CDC42BPB: variants seen among roughly 807,000 people sequenced by gnomAD.
CDC42BPB encodes CDC42 binding protein kinase beta, also known as serine/threonine-protein kinase MRCK beta.
A neutral mutation model predicts 214.9 loss-of-function variants in CDC42BPB; 37 were observed. The observed-to-expected ratio is 0.17, with a 90% CI of 0.13 to 0.23. The LOEUF is 0.23. Among genes scored for constraint, CDC42BPB ranks in the 10% least tolerant of loss-of-function variants. The probability of loss-of-function intolerance (pLI) is 1.00; values close to 1 mark genes in which losing one functional copy is unlikely to be tolerated. For missense variants in CDC42BPB, 1,694 were observed against 2,227.0 expected, an observed-to-expected ratio of 0.76 and a Z score of 4.82; for synonymous variants, 931 against 884.0, an observed-to-expected ratio of 1.05 and a Z score of -0.94.
intron 3 of CDC42BPB, among the ~76,000 whole-genome samples, 164 bp downstream of exon 3, chr14:103,008,308 C>T (rs937995189): frequency 6.6e-6 from 1 of 152,204 alleles, no homozygotes; most frequent in Non-Finnish European, 1.5e-5. Flanking sequence ...CAGCAGGCGC[C>T]AGGGAGGAGA....
At chr14:102,942,031 A>G (rs1274425705) in intron 30 of CDC42BPB, among the ~76,000 whole-genome samples, 1 of 152,232 alleles carries the variant, frequency 6.6e-6, no homozygotes, top group African/African-American at 2.4e-5. Flanking sequence ...TTATAAATAC[A>G]TTGCACTAAG....
chr14:102,992,360 G>A (rs1482355038), intron 5 of CDC42BPB, among the ~76,000 whole-genome samples: 2 of 152,168 alleles, frequency 1.3e-5, no homozygotes, highest in African/African-American at 4.8e-5. Flanking sequence ...TGTTTTTGCT[G>A]GGACCCAGAA....
At position 102,940,062 on chromosome 14, in the gene CDC42BPB, G is replaced by T; in HGVS notation, c.4575C>A (p.Phe1525Leu). ...LNCEPPRLIYFKSKFSGAVLN... is the reference protein window; with the variant it reads ...LNCEPPRLIYLKSKFSGAVLN... ...AAGGCTCACCCGAGAACTTGCTCTTGAAGTAGATCAAGCGTGGAGGCTCGC... is the reference window on the plus strand; with the variant it reads ...AAGGCTCACCCGAGAACTTGCTCTTTAAGTAGATCAAGCGTGGAGGCTCGC... The change falls in exon 32 of 37, where the codon TTC becomes TTA. Residue 1525 changes from phenylalanine (F) to leucine (L), a missense_variant. By Grantham distance (22) the Phe-to-Leu change is conservative. Transcript: ENST00000361246. 1.2e-6 allele frequency: 2 copies of T among 1,613,990 alleles called. No homozygotes were observed. The highest frequency in any genetic ancestry group is 1.1e-5 in the South Asian group (1 of 91,084).
Position 102,980,853 on chromosome 14 carries a change from C to G in CDC42BPB, c.1060G>C (p.Glu354Gln), listed in dbSNP as rs772612460. 3 of 1,614,188 alleles carry G rather than the reference C, an allele frequency of 1.9e-6. No individual in the cohort carries two copies. In the South Asian group the frequency reaches 3.3e-5, roughly 18 times the overall value. ...CTCACATCAGGAATATAAGGTGCTT[C>G]TAGGTTTCGTATATTTTCCCAATTT... ...GLNWENIRNL[E>Q]APYIPDVSSP... Residue 354 changes from glutamate (E) to glutamine (Q), a missense_variant, in exon 8 of 37, where the codon GAA becomes CAA. Around this residue, in one of 7 missense-constraint regions of CDC42BPB, gnomAD observed 225 missense variants for 459.3 expected, o/e 0.49. Coordinates refer to ENST00000361246, the MANE Select transcript of CDC42BPB (RefSeq NM_006035.4).
intron 5 of CDC42BPB, among the ~76,000 whole-genome samples, chr14:102,995,662 C>G (rs899453886): frequency 6.6e-6 from 1 of 152,234 alleles, no homozygotes; most frequent in Non-Finnish European, 1.5e-5. Context: ...AGCTGTGAAA[C>G]CTGCAGACCC....
rs370012269 is a variant in CDC42BPB, at chr14:102,954,246, G to A, written c.3018C>T (p.Ser1006=). ...CCTGCGTGGTGGGCAACGGCACAGC[G>A]GATGGCCTCTGCGGGGGCCGAGCCA... The part of the protein sequence containing the change: ...EDMARPPQRP[S]AVPLPTTQAL... Residue 1006 remains serine, a synonymous_variant, in exon 23 of 37, where the codon TCC becomes TCT. Transcript: ENST00000361246. 2.1e-5 allele frequency: 33 copies of A among 1,542,732 alleles called. No homozygotes were observed. The highest frequency in any genetic ancestry group is 2.8e-5 in the African/African-American group (2 of 72,356).
intron 21 of CDC42BPB, among the ~76,000 whole-genome samples, chr14:102,957,198 C>CAAA (rs1169886657): frequency 2.4e-4 from 8 of 33,376 alleles, no homozygotes; most frequent in Non-Finnish European, 4.2e-4. Flanking sequence ...AAGACTGTCT[C>CAAA]AAAAAAAAAA....
intron 23 of CDC42BPB, among the ~76,000 whole-genome samples, chr14:102,953,076 C>T (rs555656870): frequency 3.9e-5 from 6 of 152,258 alleles, no homozygotes; most frequent in Non-Finnish European, 8.8e-5. Context: ...CACGGTCCCT[C>T]ATCAGGAGTG....
chr14:102,966,205 C>T, intron 18 of CDC42BPB, 77 bp downstream of exon 18: 4 of 1,121,634 alleles, frequency 3.6e-6, no homozygotes, highest in South Asian at 1.3e-5. Flanking sequence ...CTAAATAGTA[C>T]TTATATGTCA....
intron 4 of CDC42BPB, among the ~76,000 whole-genome samples, chr14:103,003,652 C>T (rs530777328): frequency 6.6e-6 from 1 of 152,176 alleles, no homozygotes. Flanking sequence ...GAAAGTGTTT[C>T]AAACTCCCAG....
At chr14:102,938,517 C>G (rs1891743310) in intron 34 of CDC42BPB, 106 bp from the exon 35 acceptor site, 1 of 1,451,960 alleles carries the variant, frequency 6.9e-7, no homozygotes, top group Non-Finnish European at 9.0e-7. Flanking sequence ...CCTTGATGAG[C>G]AAAATGGGGG....
chr14:102,945,308 C>T (rs1369922600), intron 29 of CDC42BPB: 2 of 467,418 alleles, frequency 4.3e-6, no homozygotes, highest in Non-Finnish European at 8.5e-6. Context: ...ATACCTTTGC[C>T]CTTCCTCGCT....
chr14:102,937,970 C>T lies in CDC42BPB; in HGVS notation c.5004+134G>A, dbSNP rs548821881. On this transcript the variant is annotated intron_variant, in intron 36 of 36. Coordinates refer to ENST00000361246, the MANE Select transcript of CDC42BPB (RefSeq NM_006035.4). ...AGGGGACAGCCACCCCGACCCCTGC[C>T]CCCGTCACCCTCACACCGCAAGTGG... 3.7e-5 allele frequency: 34 copies of T among 924,634 alleles called. 1 individual carries two copies. The Admixed American group carries it at 4.8e-4, about 13-fold the overall frequency. 57.3% of individuals were successfully genotyped at this position (924,634 alleles called of 1,614,324 possible). A position where few individuals can be genotyped will look rare whatever the true frequency, so the allele number is the denominator to read the frequency against.
chr14:102,974,863 G>A (rs528971827), intron 11 of CDC42BPB, among the ~76,000 whole-genome samples: 4 of 152,282 alleles, frequency 2.6e-5, no homozygotes, highest in Admixed American at 2.0e-4. Flanking sequence ...GGAGAATGGC[G>A]TGAACCCAGG....
At chr14:102,936,380 C>A (rs1295688363) in intron 36 of CDC42BPB, among the ~76,000 whole-genome samples, 1 of 152,154 alleles carries the variant, frequency 6.6e-6, no homozygotes, top group Non-Finnish European at 1.5e-5. Context: ...GAAAACAAAC[C>A]GTGGTCTAGC....
At chr14:102,978,561 C>T (rs945486258) in intron 8 of CDC42BPB, among the ~76,000 whole-genome samples, 1 of 152,244 alleles carries the variant, frequency 6.6e-6, no homozygotes, top group Non-Finnish European at 1.5e-5. Context: ...CAGGTATGGT[C>T]CCTCTGAGGA....
intron 6 of CDC42BPB, among the ~76,000 whole-genome samples, chr14:102,984,203 G>A (rs1040662186): frequency 2.0e-5 from 3 of 152,132 alleles, no homozygotes; most frequent in African/African-American, 7.2e-5. Flanking sequence ...AATCCCCCAG[G>A]GTTGGCATTT....
chr14:102,940,895 T>C (rs1160897624), intron 30 of CDC42BPB: 1 of 172,524 alleles, frequency 5.8e-6, no homozygotes, highest in Non-Finnish European at 1.2e-5. Context: ...TGAGGGCATA[T>C]GCAAGCGAGG....
At position 102,944,543 on chromosome 14, in the gene CDC42BPB, G is replaced by A; in HGVS notation, c.3812-56C>T. On this transcript the variant is annotated intron_variant, in intron 29 of 36. Transcript: ENST00000361246. This position sits in a 1 kb window ranked among gnomAD's most constrained non-coding sequence, Gnocchi z 6.6. The stretch of plus-strand genomic sequence containing the variant: ...GACGGGACAGCCAGCAGCTCCCAGG[G>A]GCTGACGGCCTTGGCTAAAGACTTG... 2 of 1,563,932 alleles carry A rather than the reference G, an allele frequency of 1.3e-6. No individual in the cohort carries two copies. Among genetic ancestry groups the A allele is most frequent in the Non-Finnish European group, 1.7e-6 (2 of 1,154,880 alleles).
Sources: allele counts gnomAD v4.1 joint callset (sites outside exome capture counted in the v4.1 genomes callset), GRCh38; gene constraint gnomAD v4.1.1; regional missense constraint gnomAD v4.1.1; non-coding constraint Gnocchi (gnomAD v3.1); transcripts MANE v1.5; gene names NCBI Gene and HGNC (gene_info 2026-07-23, HGNC 2026-07-21).